EBF2: variants seen among roughly 807,000 people sequenced by gnomAD.
EBF2 encodes the protein transcription factor COE2.
A neutral mutation model predicts 72.8 loss-of-function variants in EBF2; 21 were observed. The observed-to-expected ratio is 0.29, with a 90% CI of 0.20 to 0.42. The LOEUF (loss-of-function observed/expected upper bound fraction) is 0.42. EBF2 is among the 10% of genes least tolerant of loss of function. EBF2 has a pLI of 1.00. For synonymous variants in EBF2, 299 were observed against 274.2 expected (o/e 1.09, Z -0.89); for missense variants, 637 against 731.2 (o/e 0.87, Z 1.49).
intron 6 of EBF2, among the ~76,000 whole-genome samples, chr8:26,011,803 C>T (rs1805026929): frequency 7.1e-6 from 1 of 140,104 alleles, no homozygotes; most frequent in Non-Finnish European, 1.6e-5. Flanking sequence ...TTTACTTGAA[C>T]TTTTTTTTAA....
Position 25,906,411 on chromosome 8 carries a change from C to T in EBF2, c.633+2063G>A. Among the ~76,000 whole-genome samples, 2 of 152,120 alleles carry T rather than the reference C, an allele frequency of 1.3e-5. 1 individual carries two copies. Among genetic ancestry groups the T allele is most frequent in the Non-Finnish European group, 2.9e-5 (2 of 68,030 alleles). ...GAATATTGAGCACAGTGAATTTCCA[C>T]CATGCACGAAGTTCCTGTTTGATCC... On this transcript the variant is annotated intron_variant, in intron 7 of 15. Transcript: ENST00000520164.
At chr8:25,953,108 G>A (rs1346147222) in intron 6 of EBF2, among the ~76,000 whole-genome samples, 1 of 152,238 alleles carries the variant, frequency 6.6e-6, no homozygotes, top group Non-Finnish European at 1.5e-5. Context: ...GCCTGGAGTA[G>A]GGGCCCCTGT....
At chr8:26,022,977 G>A (rs989636003) in intron 6 of EBF2, among the ~76,000 whole-genome samples, 2 of 152,128 alleles carry the variant, frequency 1.3e-5, no homozygotes, top group African/African-American at 2.4e-5. Flanking sequence ...ATTCTAATTC[G>A]CAAACAAATC....
At chr8:25,893,828 G>A (rs950416143) in intron 7 of EBF2, among the ~76,000 whole-genome samples, 2 of 152,094 alleles carry the variant, frequency 1.3e-5, no homozygotes, top group African/African-American at 4.8e-5. Flanking sequence ...AACATTTCCC[G>A]AATGACATAC....
At chr8:26,014,004 C>T (rs1327037581) in intron 6 of EBF2, among the ~76,000 whole-genome samples, 2 of 152,152 alleles carry the variant, frequency 1.3e-5, no homozygotes, top group African/African-American at 4.8e-5. Flanking sequence ...GTCCAAAGCC[C>T]TCGTCTGTTT....
chr8:26,019,343 T>C (rs977772578), intron 6 of EBF2, among the ~76,000 whole-genome samples: 12 of 151,654 alleles, frequency 7.9e-5, no homozygotes, highest in Non-Finnish European at 1.6e-4. Context: ...AGCAGGTCTC[T>C]GAAGCCTCAA....
At chr8:26,019,414 G>T (rs890403132) in intron 6 of EBF2, among the ~76,000 whole-genome samples, 1 of 152,168 alleles carries the variant, frequency 6.6e-6, no homozygotes, top group Non-Finnish European at 1.5e-5. Flanking sequence ...AGACAGAATA[G>T]ATCTCAATCC....
At chr8:25,955,201 G>A (rs938730125) in intron 6 of EBF2, among the ~76,000 whole-genome samples, 4 of 152,232 alleles carry the variant, frequency 2.6e-5, no homozygotes, top group African/African-American at 9.6e-5. Flanking sequence ...CCTTGGGGAC[G>A]GGGCTTCCCT....
chr8:26,002,287 C>T (rs1044020338), intron 6 of EBF2, among the ~76,000 whole-genome samples: 6 of 151,970 alleles, frequency 3.9e-5, no homozygotes, highest in Admixed American at 6.6e-5. Context: ...AGATGGGAGA[C>T]GAATTTTATT....
At chr8:26,004,865 A>G (rs187817923) in intron 6 of EBF2, among the ~76,000 whole-genome samples, 13 of 152,084 alleles carry the variant, frequency 8.5e-5, no homozygotes, top group South Asian at 4.2e-4. Flanking sequence ...GATGGGTGCC[A>G]TAGCTCAAAC....
intron 6 of EBF2, among the ~76,000 whole-genome samples, chr8:25,911,049 C>A (rs1471783396): frequency 6.6e-6 from 1 of 152,006 alleles, no homozygotes; most frequent in East Asian, 1.9e-4. Flanking sequence ...CCGCCCTCCA[C>A]CCTCTCCATC....
At chr8:25,899,083 T>C (rs1389750120) in intron 7 of EBF2, among the ~76,000 whole-genome samples, 1 of 152,178 alleles carries the variant, frequency 6.6e-6, no homozygotes, top group Non-Finnish European at 1.5e-5. Context: ...TCAAGATTTC[T>C]GTCATCCTGA....
At chr8:25,885,410 C>T (rs1802672935) in intron 10 of EBF2, among the ~76,000 whole-genome samples, 1 of 152,186 alleles carries the variant, frequency 6.6e-6, no homozygotes, top group African/African-American at 2.4e-5. Flanking sequence ...AATTTCTCCT[C>T]CCTTAACCCT....
chr8:26,011,191 T>C (rs1037256512), intron 6 of EBF2, among the ~76,000 whole-genome samples: 3 of 152,214 alleles, frequency 2.0e-5, no homozygotes, highest in Admixed American at 6.5e-5. Flanking sequence ...CCCAAGGAAA[T>C]TGCATAGAGT....
chr8:25,883,415 C>CTTT lies in EBF2; in HGVS notation c.1009+3337_1009+3339dup, dbSNP rs34634008. Reference sequence around the variant, plus strand: ...TTGTAATGTAACTGTAGCCATCTCCCTTTTTTTTTTTTTTAACTTCTGTCA... The same window carrying CTTT: ...TTGTAATGTAACTGTAGCCATCTCCCTTTTTTTTTTTTTTTTTAACTTCTGTCA... On this transcript the variant is annotated intron_variant, in intron 10 of 15. Coordinates refer to ENST00000520164, the MANE Select transcript of EBF2 (RefSeq NM_022659.4). Among the ~76,000 whole-genome samples the CTTT allele has an allele frequency of 1.0e-4, 15 of 146,414 alleles. No individual in the cohort carries two copies. The East Asian group carries it at 2.8e-3, about 28-fold the overall frequency.
chr8:25,986,710 A>G (rs7001120), intron 6 of EBF2, among the ~76,000 whole-genome samples: 65,822 of 151,780 alleles, frequency 0.43, 14,587 homozygotes, highest in Middle Eastern at 0.51. Flanking sequence ...GGATGGCACA[A>G]TACTCTGTGA....
chr8:25,990,090 A>C (rs1804520794), intron 6 of EBF2, among the ~76,000 whole-genome samples: 1 of 152,138 alleles, frequency 6.6e-6, no homozygotes, highest in South Asian at 2.1e-4. Context: ...AGGTATACAA[A>C]GACATCTTAC....
chr8:26,013,602 C>T (rs1805062031), intron 6 of EBF2, among the ~76,000 whole-genome samples: 1 of 152,142 alleles, frequency 6.6e-6, no homozygotes, highest in Non-Finnish European at 1.5e-5. Flanking sequence ...CAGGTACCCC[C>T]AAATAGCAAA....
chr8:25,915,003 C>A (rs1255369975), intron 6 of EBF2, among the ~76,000 whole-genome samples: 1 of 152,152 alleles, frequency 6.6e-6, no homozygotes, highest in Non-Finnish European at 1.5e-5. Context: ...TCTCAAATTC[C>A]TCTTGCCTAA....
Sources: gnomAD v4.1 joint callset for allele counts (sites outside exome capture counted in the v4.1 genomes callset) on GRCh38, gnomAD v4.1.1 for gene constraint, MANE v1.5 for transcripts, NCBI Gene and HGNC (gene_info 2026-07-23, HGNC 2026-07-21) for gene names.